Variants in FHIT observed in about 807,000 individuals in gnomAD.
FHIT encodes the protein fragile histidine triad diadenosine triphosphatase.
Under a neutral mutation model 17.9 loss-of-function variants are expected in FHIT, and 19 were observed. The ratio of observed to expected loss-of-function variants is 1.06; its 90% CI spans 0.74 to 1.56. The LOEUF (loss-of-function observed/expected upper bound fraction) is 1.56, where lower values mean the gene tolerates loss of function less well. FHIT is among the 40% of genes most tolerant of loss of function. The pLI is 0.00. For synonymous variants in FHIT, 81 were observed against 69.7 expected (o/e 1.16, Z -0.81); for missense variants, 248 against 189.2 (o/e 1.31, Z -1.82).
intron 4 of FHIT, among the ~76,000 whole-genome samples, chr3:60,703,914 T>C (rs6774839): frequency 0.25 from 37,505 of 151,986 alleles, 5,101 homozygotes; most frequent in Non-Finnish European, 0.31. Context: ...ATGGGAATAA[T>C]ATAATACTGA....
chr3:59,789,326 C>A (rs1699451704), intron 8 of FHIT, among the ~76,000 whole-genome samples: 1 of 152,240 alleles, frequency 6.6e-6, no homozygotes, highest in African/African-American at 2.4e-5. Context: ...TAGAAAGGTG[C>A]TTTGAATTTA....
intron 1 of FHIT, among the ~76,000 whole-genome samples, chr3:61,204,715 G>C (rs183771462): frequency 5.1e-4 from 77 of 152,178 alleles, no homozygotes; most frequent in African/African-American, 1.6e-3. Flanking sequence ...GTGTGGATAA[G>C]TACACACCAC....
intron 3 of FHIT, among the ~76,000 whole-genome samples, chr3:61,029,532 A>G (rs1484559698): frequency 6.6e-6 from 1 of 152,202 alleles, no homozygotes; most frequent in African/African-American, 2.4e-5. Context: ...TTTGTGAGGG[A>G]CACATCTTCA....
chr3:60,003,784 T>A (rs547473038), intron 7 of FHIT, among the ~76,000 whole-genome samples: 1 of 151,822 alleles, frequency 6.6e-6, no homozygotes, highest in African/African-American at 2.4e-5. Context: ...TCTACTGAGG[T>A]TGAATTGGCC....
In FHIT at chr3:60,075,459, T is replaced by C. The variant is rs1008030365; in HGVS notation, c.104-61307A>G. The stretch of plus-strand genomic sequence containing the variant: ...TAAAAAATAATACAATAGAACTCCA[T>C]GAATCCAATTAAATTTAATTCCATA... On this transcript the variant is annotated intron_variant, in intron 5 of 9. Coordinates refer to ENST00000492590, the MANE Select transcript of FHIT (RefSeq NM_002012.4). Among the ~76,000 whole-genome samples, 3 of 152,294 alleles carry C rather than the reference T, an allele frequency of 2.0e-5. No individual in the cohort carries two copies. The South Asian group carries it at 6.2e-4, about 32-fold the overall frequency.
At chr3:60,000,125 C>G (rs1559536896) in intron 7 of FHIT, among the ~76,000 whole-genome samples, 1 of 152,188 alleles carries the variant, frequency 6.6e-6, no homozygotes, top group Non-Finnish European at 1.5e-5. Context: ...GTGGAGAAAA[C>G]AGCCCATCCA....
intron 5 of FHIT, among the ~76,000 whole-genome samples, chr3:60,371,910 C>T (rs190177189): frequency 2.0e-5 from 3 of 149,958 alleles, no homozygotes; most frequent in Admixed American, 1.3e-4. Context: ...TCTGTACATA[C>T]CTCATTACAA....
chr3:60,955,868 T>C lies in FHIT; in HGVS notation c.-111+86179A>G, dbSNP rs544646504. On this transcript the variant is annotated intron_variant, in intron 3 of 9. Transcript: ENST00000492590. Reference sequence around the variant, plus strand: ...TGTTTAGTTTATTATACTCCAAGCATATTATTTTATAAATACAACATGTTA... The same window carrying C: ...TGTTTAGTTTATTATACTCCAAGCACATTATTTTATAAATACAACATGTTA... Among the ~76,000 whole-genome samples the C allele has an allele frequency of 3.9e-5, 6 of 152,150 alleles. No individual in the cohort carries two copies. In the East Asian group the frequency reaches 7.7e-4, roughly 20 times the overall value.
chr3:60,996,316 C>G (rs1212397553), intron 3 of FHIT, among the ~76,000 whole-genome samples: 2 of 152,150 alleles, frequency 1.3e-5, no homozygotes, highest in African/African-American at 4.8e-5. Context: ...TAGATATGTG[C>G]TCCTCTAACT....
chr3:60,254,763 G>A (rs1421938778), intron 5 of FHIT, among the ~76,000 whole-genome samples: 1 of 152,074 alleles, frequency 6.6e-6, no homozygotes, highest in Non-Finnish European at 1.5e-5. Flanking sequence ...AGCCTTATAT[G>A]AGACAGAAAG....
chr3:59,942,649 T>C (rs1223121151), intron 7 of FHIT, among the ~76,000 whole-genome samples: 2 of 151,894 alleles, frequency 1.3e-5, no homozygotes, highest in African/African-American at 2.4e-5. Flanking sequence ...CAGCCCTTAG[T>C]TCTTTTTTTA....
chr3:60,808,360 T>C (rs991506704), intron 4 of FHIT, among the ~76,000 whole-genome samples: 1 of 152,230 alleles, frequency 6.6e-6, no homozygotes, highest in Non-Finnish European at 1.5e-5. Context: ...TAATCTTGTC[T>C]ATGAGAATGA....
intron 8 of FHIT, among the ~76,000 whole-genome samples, chr3:59,908,850 T>TTTTTTTTTTTTTTTTTTTTTAG (rs1553712872): frequency 2.0e-5 from 3 of 150,208 alleles, no homozygotes; most frequent in South Asian, 2.1e-4. Flanking sequence ...TTTCATTTTT[T>TTTTTTTTTTTTTTTTTTTTTAG]AATAGTCCAA....
chr3:60,960,020 T>A (rs1709342616), intron 3 of FHIT, among the ~76,000 whole-genome samples: 1 of 151,854 alleles, frequency 6.6e-6, no homozygotes, highest in African/African-American at 2.4e-5. Flanking sequence ...TAAACTACAC[T>A]AAAATATAAG....
Position 61,251,355 on chromosome 3 carries a change from G to C in FHIT, c.-267C>G, listed in dbSNP as rs1392315390. On this transcript the variant is annotated 5_prime_UTR_variant, in exon 1 of 10. Coordinates refer to ENST00000492590, the MANE Select transcript of FHIT (RefSeq NM_002012.4). ...AGGCAGAGGGAGGGAGCGCGGGGCC[G>C]GAGCGCCGCCTGGGAGTGTGCCCAC... is the stretch of plus-strand genomic sequence containing the variant. 6.5e-6 allele frequency: 1 copy of C among 153,032 alleles called. No individual in the cohort carries two copies. Among genetic ancestry groups the C allele is most frequent in the Non-Finnish European group, 1.5e-5 (1 of 68,704 alleles). 9.5% of individuals were successfully genotyped at this position (153,032 alleles called of 1,614,324 possible).
intron 5 of FHIT, among the ~76,000 whole-genome samples, chr3:60,488,510 G>T (rs1235696334): frequency 6.6e-6 from 1 of 152,168 alleles, no homozygotes; most frequent in Non-Finnish European, 1.5e-5. Context: ...CAGTGTCACT[G>T]GAGCGGGGTC....
At chr3:60,567,105 A>C (rs1262566208) in intron 4 of FHIT, among the ~76,000 whole-genome samples, 2 of 151,710 alleles carry the variant, frequency 1.3e-5, no homozygotes, top group Non-Finnish European at 2.9e-5. Context: ...ATTGGAAAAA[A>C]CTACTTTAAA....
intron 5 of FHIT, among the ~76,000 whole-genome samples, chr3:60,308,522 A>C (rs975098499): frequency 3.9e-5 from 4 of 102,844 alleles, no homozygotes; most frequent in Non-Finnish European, 8.0e-5. Context: ...ATATATATAT[A>C]TATATATGCC....
chr3:60,342,109 C>A (rs144863951), intron 5 of FHIT, among the ~76,000 whole-genome samples: 453 of 152,344 alleles, frequency 3.0e-3, no homozygotes, highest in Non-Finnish European at 4.6e-3. Flanking sequence ...CTCCTCCCCA[C>A]TGCACAGGAG....
Sources: gnomAD v4.1 joint callset for allele counts (sites outside exome capture counted in the v4.1 genomes callset) on GRCh38, gnomAD v4.1.1 for gene constraint, MANE v1.5 for transcripts, NCBI Gene and HGNC (gene_info 2026-07-23, HGNC 2026-07-21) for gene names.